The following PRKG1 variants were observed in gnomAD, a reference collection of about 807,000 sequenced individuals.
PRKG1 encodes the protein protein kinase cGMP-dependent 1.
In PRKG1, 35 loss-of-function variants were observed where a neutral mutation model predicts 88.1. That is an observed-to-expected ratio of 0.40 (90% confidence interval 0.30 to 0.53). The LOEUF is 0.53. Ranked by LOEUF, PRKG1 falls within the 20% of genes least tolerant of loss-of-function variation. PRKG1 has a pLI of 0.59. For synonymous variants in PRKG1, 303 were observed against 292.5 expected (o/e 1.04, Z -0.37); for missense variants, 540 against 839.8 (o/e 0.64, Z 4.41).
At position 51,016,437 on chromosome 10, in the gene PRKG1, G is replaced by A. The variant is rs1035014764; in HGVS notation, c.266+24793G>A. On this transcript the variant is annotated intron_variant, in intron 1 of 17. Transcript: ENST00000401604. ...GCAGTTCATCTTTCAGGCTAGAATG[G>A]TTAACTAAAGCATCATTTCAGGCTT... 9.9e-5 allele frequency among the ~76,000 whole-genome samples: 15 copies of A among 152,072 alleles called. No homozygotes were observed. The South Asian group carries it at 2.9e-3, about 29-fold the overall frequency.
chr10:51,697,174 TA>T (rs1416827227), intron 3 of PRKG1: 1 of 152,850 alleles, frequency 6.5e-6, no homozygotes, highest in African/African-American at 2.4e-5. Flanking sequence ...AAAATAATTC[TA>T]AAACACTAAG....
At chr10:52,033,328 C>T (rs925748467) in intron 5 of PRKG1, among the ~76,000 whole-genome samples, 2 of 152,126 alleles carry the variant, frequency 1.3e-5, no homozygotes, top group African/African-American at 2.4e-5. Flanking sequence ...GTTGATAAAA[C>T]GTACCTGGTC....
chr10:52,032,926 C>G (rs182285968), intron 5 of PRKG1, among the ~76,000 whole-genome samples: 8 of 152,240 alleles, frequency 5.3e-5, no homozygotes, highest in Admixed American at 4.6e-4. Flanking sequence ...AGTCTAGGTG[C>G]AGGAGTTGAA....
At chr10:51,105,577 A>G (rs1054873392) in intron 1 of PRKG1, among the ~76,000 whole-genome samples, 1 of 152,198 alleles carries the variant, frequency 6.6e-6, no homozygotes, top group Non-Finnish European at 1.5e-5. Context: ...TATTTTTTGT[A>G]ATTATCTGCA....
At chr10:51,511,302 T>G (rs759859879) in intron 3 of PRKG1, among the ~76,000 whole-genome samples, 3 of 152,090 alleles carry the variant, frequency 2.0e-5, no homozygotes, top group Non-Finnish European at 2.9e-5. Flanking sequence ...TTCCACTGGA[T>G]TTTACTGATC....
intron 1 of PRKG1, among the ~76,000 whole-genome samples, chr10:51,023,681 C>CGTTA (rs1843167637): frequency 6.6e-6 from 1 of 152,136 alleles, no homozygotes; most frequent in Non-Finnish European, 1.5e-5. Flanking sequence ...ATAAGTAATG[C>CGTTA]ATAACCTGGG....
intron 1 of PRKG1, among the ~76,000 whole-genome samples, chr10:51,040,624 A>G (rs1843408864): frequency 1.3e-5 from 2 of 151,332 alleles, no homozygotes; most frequent in Non-Finnish European, 3.0e-5. Context: ...GGCCTCTTTA[A>G]TTTCTTTCAT....
intron 2 of PRKG1, among the ~76,000 whole-genome samples, chr10:51,197,946 T>G (rs1319018536): frequency 6.6e-6 from 1 of 151,808 alleles, no homozygotes; most frequent in African/African-American, 2.4e-5. Flanking sequence ...TAAAAGTGTT[T>G]CCATAAAGCC....
At chr10:52,123,475 T>A (rs1847866436) in intron 7 of PRKG1, among the ~76,000 whole-genome samples, 1 of 152,164 alleles carries the variant, frequency 6.6e-6, no homozygotes, top group African/African-American at 2.4e-5. Flanking sequence ...AGAAAGAGGA[T>A]CTGCTTTAAA....
chr10:51,627,951 T>TTTCA (rs1839390567), intron 3 of PRKG1, among the ~76,000 whole-genome samples: 1 of 20,848 alleles, frequency 4.8e-5, no homozygotes, highest in African/African-American at 1.0e-4. Context: ...CCTTTCTTTC[T>TTTCA]TTCTTTCTTT....
chr10:51,479,533 A>G (rs1840296033), intron 3 of PRKG1, among the ~76,000 whole-genome samples: 1 of 151,938 alleles, frequency 6.6e-6, no homozygotes, highest in Non-Finnish European at 1.5e-5. Context: ...CTTTTCACTT[A>G]TATGATAATA....
At chr10:51,115,372 C>T (rs1393008142) in intron 1 of PRKG1, among the ~76,000 whole-genome samples, 7 of 31,920 alleles carry the variant, frequency 2.2e-4, no homozygotes, top group Admixed American at 4.9e-4. Flanking sequence ...TTCCTTTAAA[C>T]ATATATATAT....
chr10:51,518,403 C>G (rs931424895), intron 3 of PRKG1, among the ~76,000 whole-genome samples: 11 of 152,180 alleles, frequency 7.2e-5, no homozygotes, highest in African/African-American at 2.4e-4. Context: ...TTAGGATTAT[C>G]AAACCACACA....
chr10:51,527,718 T>C (rs1841917983), intron 3 of PRKG1, among the ~76,000 whole-genome samples: 1 of 152,162 alleles, frequency 6.6e-6, no homozygotes, highest in South Asian at 2.1e-4. Context: ...TTCCCGGGAA[T>C]TGTAATTTAG....
Position 52,287,827 on chromosome 10 carries a change from T to G in PRKG1, c.1710-899T>G, listed in dbSNP as rs115337192. Among the ~76,000 whole-genome samples, 579 of 151,988 alleles carry G rather than the reference T, an allele frequency of 3.8e-3. 3 individuals are homozygous for G. Among genetic ancestry groups the G allele is most frequent in the African/African-American group, 0.013 (555 of 41,482 alleles). On this transcript the variant is annotated intron_variant, in intron 14 of 17. Transcript: ENST00000373980. ...GGTCCTCTGAGCAGAGAGAAAAGGA[T>G]AGGAGGAGTACTATTCTATAGAAAC...
At chr10:51,710,843 G>A (rs764813762) in intron 3 of PRKG1, among the ~76,000 whole-genome samples, 1 of 152,020 alleles carries the variant, frequency 6.6e-6, no homozygotes, top group Non-Finnish European at 1.5e-5. Context: ...TTTGGGGGGG[G>A]CGGGAAATAT....
At chr10:51,651,560 G>A (rs1259891667) in intron 3 of PRKG1, among the ~76,000 whole-genome samples, 2 of 150,062 alleles carry the variant, frequency 1.3e-5, no homozygotes, top group Non-Finnish European at 3.0e-5. Context: ...GCACATGATT[G>A]GCACAAAAAT....
intron 5 of PRKG1, among the ~76,000 whole-genome samples, chr10:51,941,407 T>A (rs1842903371): frequency 6.6e-6 from 1 of 151,966 alleles, no homozygotes; most frequent in South Asian, 2.1e-4. Flanking sequence ...ATTCACATGC[T>A]TTTATTTATA....
intron 14 of PRKG1, among the ~76,000 whole-genome samples, chr10:52,285,136 C>T (rs1344672501): frequency 6.6e-6 from 1 of 151,942 alleles, no homozygotes; most frequent in Admixed American, 6.6e-5. Flanking sequence ...CAGCCCCCTT[C>T]CATGCATACA....
Sources: gnomAD v4.1 joint callset for allele counts (sites outside exome capture counted in the v4.1 genomes callset) on GRCh38, gnomAD v4.1.1 for gene constraint, MANE v1.5 for transcripts, NCBI Gene and HGNC (gene_info 2026-07-23, HGNC 2026-07-21) for gene names.